The following R3HDM1 variants were observed in gnomAD, a reference collection of about 807,000 sequenced individuals.
R3HDM1 encodes R3H domain-containing protein 1.
In R3HDM1, 46 loss-of-function variants were observed where a neutral mutation model predicts 141.1. The observed-to-expected ratio is 0.33, with a 90% CI of 0.26 to 0.42. The LOEUF (loss-of-function observed/expected upper bound fraction) is 0.42, where lower values mean the gene tolerates loss of function less well. R3HDM1 is among the 10% of genes least tolerant of loss of function. The pLI, the probability that R3HDM1 is intolerant of heterozygous loss-of-function variation, is 1.00. For missense variants in R3HDM1, 1,184 were observed against 1,368.3 expected, an observed-to-expected ratio of 0.87 and a Z score of 2.12; for synonymous variants, 435 against 472.9, an observed-to-expected ratio of 0.92 and a Z score of 1.04.
chr2:135,545,685 G>C (rs1698538263), intron 1 of R3HDM1, among the ~76,000 whole-genome samples: 1 of 152,122 alleles, frequency 6.6e-6, no homozygotes, highest in Non-Finnish European at 1.5e-5. Flanking sequence ...CTGTCAGCTA[G>C]GTGTATTCAT....
intron 19 of R3HDM1, among the ~76,000 whole-genome samples, chr2:135,668,776 T>C (rs890305202): frequency 6.6e-5 from 10 of 152,220 alleles, no homozygotes; most frequent in Non-Finnish European, 1.2e-4. Flanking sequence ...GTCTGACTTC[T>C]TGGCAAAGCA....
intron 3 of R3HDM1, among the ~76,000 whole-genome samples, chr2:135,614,539 C>T (rs2060840640): frequency 6.6e-6 from 1 of 152,168 alleles, no homozygotes; most frequent in Non-Finnish European, 1.5e-5. Context: ...TAAAAGTAAA[C>T]TGAAGTAATT....
intron 21 of R3HDM1, among the ~76,000 whole-genome samples, chr2:135,704,024 A>T (rs956772416): frequency 3.9e-5 from 6 of 152,198 alleles, no homozygotes; most frequent in African/African-American, 1.4e-4. Flanking sequence ...TCTGTTGCCC[A>T]GGCTGGAGTG....
At chr2:135,673,285 T>A (rs1170475701) in intron 19 of R3HDM1, among the ~76,000 whole-genome samples, 2 of 152,174 alleles carry the variant, frequency 1.3e-5, no homozygotes, top group African/African-American at 4.8e-5. Context: ...AAGTCTGTCA[T>A]AAGAAGTTAT....
chr2:135,691,393 C>T (rs768237368), intron 21 of R3HDM1, among the ~76,000 whole-genome samples: 7 of 152,136 alleles, frequency 4.6e-5, no homozygotes, highest in East Asian at 3.9e-4. Flanking sequence ...GTGAGTGGAT[C>T]GCTTGAGCTC....
intron 11 of R3HDM1, among the ~76,000 whole-genome samples, chr2:135,637,276 C>T (rs2063350690): frequency 2.0e-5 from 3 of 152,056 alleles, no homozygotes; most frequent in Admixed American, 2.0e-4. Flanking sequence ...AGTAACCTTA[C>T]AGGAGTGAAG....
chr2:135,577,837 TCA>T (rs1705834378), intron 1 of R3HDM1, among the ~76,000 whole-genome samples: 2 of 74,826 alleles, frequency 2.7e-5, no homozygotes, highest in South Asian at 4.9e-4. Flanking sequence ...AAACTTCATC[TCA>T]AAAAAAAAAA....
intron 19 of R3HDM1, chr2:135,670,316 A>G (rs1466714322): frequency 1.0e-6 from 1 of 985,172 alleles, no homozygotes; most frequent in East Asian, 1.1e-4. Context: ...GGAAGCTGAC[A>G]GAGTTTGCTC....
chr2:135,564,173 T>C (rs913439759), intron 1 of R3HDM1, among the ~76,000 whole-genome samples: 1 of 152,214 alleles, frequency 6.6e-6, no homozygotes, highest in Admixed American at 6.5e-5. Flanking sequence ...ATCCAAACTA[T>C]ATTACTGTAT....
At chr2:135,659,285 T>C (rs6715856) in intron 18 of R3HDM1, among the ~76,000 whole-genome samples, 74,491 of 151,670 alleles carry the variant, frequency 0.49, 22,993 homozygotes, top group East Asian at 0.88. Context: ...TTTGTAGAGA[T>C]AGGGTTTCAC....
chr2:135,625,048 A>G (rs2061868903), intron 7 of R3HDM1, among the ~76,000 whole-genome samples: 1 of 152,180 alleles, frequency 6.6e-6, no homozygotes, highest in Non-Finnish European at 1.5e-5. Flanking sequence ...TGATCTCGCC[A>G]CTGCCCTCCA....
At chr2:135,591,943 T>G (rs1169391993) in intron 1 of R3HDM1, among the ~76,000 whole-genome samples, 1 of 152,226 alleles carries the variant, frequency 6.6e-6, no homozygotes, top group Non-Finnish European at 1.5e-5. Context: ...CATTGGCGTT[T>G]GTTAATTTGC....
At chr2:135,706,128 C>T (rs1292129533) in intron 21 of R3HDM1, among the ~76,000 whole-genome samples, 4 of 138,032 alleles carry the variant, frequency 2.9e-5, no homozygotes, top group East Asian at 2.1e-4. Context: ...GACTCCATCT[C>T]GAAAAAAAAA....
At chr2:135,617,046 G>A (rs2061082500) in intron 5 of R3HDM1, among the ~76,000 whole-genome samples, 2 of 152,068 alleles carry the variant, frequency 1.3e-5, no homozygotes, top group Admixed American at 6.6e-5. Context: ...AATGTTGGTC[G>A]GGTGCAGTGG....
At chr2:135,656,756 A>C (rs940914987) in intron 18 of R3HDM1, among the ~76,000 whole-genome samples, 2 of 152,130 alleles carry the variant, frequency 1.3e-5, no homozygotes, top group Non-Finnish European at 2.9e-5. Context: ...TTGCATCTCT[A>C]TATATTATAT....
At chr2:135,617,806 C>A (rs1042704277) in intron 5 of R3HDM1, among the ~76,000 whole-genome samples, 10 of 151,988 alleles carry the variant, frequency 6.6e-5, no homozygotes, top group Admixed American at 2.6e-4. Flanking sequence ...CTCCTTTATC[C>A]CAAAAAACAG....
chr2:135,564,772 A>T (rs967485467), intron 1 of R3HDM1, among the ~76,000 whole-genome samples: 7 of 152,244 alleles, frequency 4.6e-5, no homozygotes, highest in Non-Finnish European at 1.0e-4. Flanking sequence ...CAAAATACAG[A>T]TAAGCAAAAA....
chr2:135,596,923 A>C (rs1352430243), intron 1 of R3HDM1: 2 of 742,634 alleles, frequency 2.7e-6, no homozygotes, highest in Non-Finnish European at 1.6e-6. Flanking sequence ...CAGAAGTGGA[A>C]ATGTGGAGTC....
chr2:135,712,454 T>G (rs76301999), intron 23 of R3HDM1, among the ~76,000 whole-genome samples: 2 of 115,952 alleles, frequency 1.7e-5, no homozygotes, highest in South Asian at 2.4e-4. Context: ...TTTTTTTTTA[T>G]AGAGATGGGG....
Sources: gnomAD v4.1 joint callset for allele counts (sites outside exome capture counted in the v4.1 genomes callset) on GRCh38, gnomAD v4.1.1 for gene constraint, MANE v1.5 for transcripts, NCBI Gene and HGNC (gene_info 2026-07-23, HGNC 2026-07-21) for gene names.